The following GARNL3 variants were observed in gnomAD, a reference collection of about 807,000 sequenced individuals.
GARNL3 encodes GTPase-activating Rap/Ran-GAP domain-like protein 3.
GARNL3 carries 63 observed loss-of-function variants against 125.0 expected under a neutral mutation model. The observed-to-expected ratio is 0.50, with a 90% CI of 0.41 to 0.62. The LOEUF is 0.62. GARNL3 is among the 20% of genes least tolerant of loss of function. GARNL3 has a pLI of 0.00. For synonymous variants in GARNL3, 439 were observed against 457.5 expected (o/e 0.96, Z 0.52); for missense variants, 994 against 1,244.0 (o/e 0.80, Z 3.02).
chr9:127,262,641 G>A (rs1183806914), upstream of GARNL3, among the ~76,000 whole-genome samples: 1 of 152,266 alleles, frequency 6.6e-6, no homozygotes, highest in Non-Finnish European at 1.5e-5. Flanking sequence ...TGGACTGAGG[G>A]AATAATGGCC....
chr9:127,341,750 G>A (rs1243992544), intron 13 of GARNL3, among the ~76,000 whole-genome samples: 2 of 152,344 alleles, frequency 1.3e-5, no homozygotes, highest in East Asian at 1.9e-4. Context: ...ACTTTCATCA[G>A]CGTTGTCAAA....
Position 127,384,583 on chromosome 9 carries a change from A to T in GARNL3, c.2270-444A>T, listed in dbSNP as rs1832443154. Among the ~76,000 whole-genome samples the T allele has an allele frequency of 6.6e-6, 1 of 152,120 alleles. No homozygotes were observed. Among genetic ancestry groups the T allele is most frequent in the Non-Finnish European group, 1.5e-5 (1 of 67,992 alleles). ...ACGTGCAGCTGGAGGAGCACATGGGAGGAGCGAGGAGCACTGAGGGACACC... is the reference window on the plus strand; with the variant it reads ...ACGTGCAGCTGGAGGAGCACATGGGTGGAGCGAGGAGCACTGAGGGACACC... On this transcript the variant is annotated intron_variant, in intron 23 of 27. Coordinates refer to ENST00000373387, the MANE Select transcript of GARNL3 (RefSeq NM_032293.5). This position sits in a 1 kb window ranked among gnomAD's most constrained non-coding sequence, Gnocchi z 4.0.
chr9:127,231,228 G>GTTTTTTTTTTTTTTT (rs34963289), intron 1 of GARNL3, among the ~76,000 whole-genome samples: 14 of 100,512 alleles, frequency 1.4e-4, no homozygotes, highest in East Asian at 2.8e-4. Flanking sequence ...CTAATTTTTT[G>GTTTTTTTTTTTTTTT]TTTTTTTTTT....
chr9:127,277,645 A>G (rs1215669783), intron 1 of GARNL3, among the ~76,000 whole-genome samples: 1 of 151,812 alleles, frequency 6.6e-6, no homozygotes, highest in Non-Finnish European at 1.5e-5. Context: ...GCTCCAACCT[A>G]TCTCTGAGCC....
In GARNL3 at chr9:127,384,485, TAACTC is replaced by T. The variant is rs1322246825; in HGVS notation, c.2270-540_2270-536del. On this transcript the variant is annotated intron_variant, in intron 23 of 27. Coordinates refer to ENST00000373387, the MANE Select transcript of GARNL3 (RefSeq NM_032293.5). The surrounding 1 kb of genome is among the most constrained non-coding windows in gnomAD (Gnocchi z 4.0). ...AGCAGAGGGGCCAGCCCTTAACAAA[TAACTC>T]AGCAAACCCCTTGATGCCGAGGGAC... Among the ~76,000 whole-genome samples, 4 of 151,960 alleles carry T rather than the reference TAACTC, an allele frequency of 2.6e-5. No homozygotes were observed. Among genetic ancestry groups the T allele is most frequent in the African/African-American group, 9.7e-5 (4 of 41,380 alleles).
At chr9:127,297,958 G>T (rs1353477352) in intron 2 of GARNL3, among the ~76,000 whole-genome samples, 1 of 152,154 alleles carries the variant, frequency 6.6e-6, no homozygotes. Flanking sequence ...AGAAAGACAT[G>T]TTTCAATTGC....
intron 5 of GARNL3, among the ~76,000 whole-genome samples, chr9:127,318,671 C>T (rs967982360): frequency 6.6e-6 from 1 of 152,012 alleles, no homozygotes; most frequent in African/African-American, 2.4e-5. Flanking sequence ...CACCCTCCCA[C>T]CTCCCTCTCA....
At chr9:127,333,266 A>G (rs1829366963) in intron 9 of GARNL3, 145 bp downstream of exon 9, 4 of 645,390 alleles carry the variant, frequency 6.2e-6, no homozygotes, top group African/African-American at 1.8e-5. Context: ...CCTGTTCAAC[A>G]TAGAGTCATG....
Position 127,353,957 on chromosome 9 carries a change from G to A in GARNL3, c.1642+13G>A, listed in dbSNP as rs1830543135. On this transcript the variant is annotated intron_variant, in intron 18 of 27. Coordinates refer to ENST00000373387, the MANE Select transcript of GARNL3 (RefSeq NM_032293.5). ...AGAGCAGACAAAGGTGGTATTCCCT[G>A]CCGGGTGGCATGCTGTGGAGGAAGG... The A allele has an allele frequency of 6.4e-7, 1 of 1,568,544 alleles. No individual in the cohort carries two copies. Among genetic ancestry groups the A allele is most frequent in the Non-Finnish European group, 8.8e-7 (1 of 1,138,762 alleles).
At chr9:127,350,024 G>A (rs1830343784) in intron 17 of GARNL3, among the ~76,000 whole-genome samples, 1 of 152,164 alleles carries the variant, frequency 6.6e-6, no homozygotes, top group African/African-American at 2.4e-5. Flanking sequence ...CACGCCAGGT[G>A]CCTTCTGAAG....
intron 2 of GARNL3, 57 bp from the exon 3 acceptor site, chr9:127,311,578 AG>A: frequency 1.7e-6 from 2 of 1,172,748 alleles, no homozygotes; most frequent in Non-Finnish European, 2.6e-6. Flanking sequence ...GTTCATTGCC[AG>A]GTTCATGTTT....
chr9:127,335,260 C>G lies in GARNL3; in HGVS notation c.800C>G (p.Thr267Ser). The G allele has an allele frequency of 3.1e-6, 5 of 1,613,762 alleles. No homozygotes were observed. Among genetic ancestry groups the G allele is most frequent in the Non-Finnish European group, 4.2e-6 (5 of 1,179,642 alleles). ...NDTTGIHSVY[T>S]VYQGHEIMFH... is the part of the protein sequence containing the mutation. ...ACCACAGGGATACATTCAGTTTATACTGTGTACCAAGGGCATGAGATCATG... is the reference window on the plus strand; with the variant it reads ...ACCACAGGGATACATTCAGTTTATAGTGTGTACCAAGGGCATGAGATCATG... Residue 267 changes from threonine (T) to serine (S), a missense_variant, in exon 10 of 28, where the codon ACT (threonine) becomes AGT (serine). Around this residue, in one of 5 missense-constraint regions of GARNL3, gnomAD observed 71 missense variants for 66.2 expected, o/e 1.07. Transcript: ENST00000373387.
chr9:127,335,812 A>G, intron 10 of GARNL3, among the ~76,000 whole-genome samples: 1 of 152,122 alleles, frequency 6.6e-6, no homozygotes, highest in South Asian at 2.1e-4. Flanking sequence ...GATGGTTGAC[A>G]AGTATTGTTA....
chr9:127,336,297 T>A, intron 11 of GARNL3, 61 bp downstream of exon 11: 1 of 1,150,916 alleles, frequency 8.7e-7, no homozygotes, highest in East Asian at 2.4e-5. Context: ...TCACTGGACT[T>A]CCATGACCCT....
At chr9:127,229,332 A>C (rs1489850932) in intron 1 of GARNL3, among the ~76,000 whole-genome samples, 2 of 152,084 alleles carry the variant, frequency 1.3e-5, no homozygotes, top group East Asian at 3.9e-4. Context: ...AGGCCTGTTG[A>C]TTCAGAAAGT....
chr9:127,279,046 C>T (rs1444042730), intron 1 of GARNL3, among the ~76,000 whole-genome samples: 1 of 152,156 alleles, frequency 6.6e-6, no homozygotes, highest in East Asian at 1.9e-4. Context: ...ATTATATTCT[C>T]AGGTTCCAGG....
intron 22 of GARNL3, among the ~76,000 whole-genome samples, chr9:127,366,260 A>G (rs1169799483): frequency 6.6e-6 from 1 of 152,244 alleles, no homozygotes; most frequent in Admixed American, 6.5e-5. Flanking sequence ...ATCTTTCAAA[A>G]TTCGAGATTT....
At chr9:127,268,648 C>T (rs2063754232) in intron 1 of GARNL3, among the ~76,000 whole-genome samples, 1 of 152,176 alleles carries the variant, frequency 6.6e-6, no homozygotes, top group African/African-American at 2.4e-5. Flanking sequence ...TGGTGTACAA[C>T]CATCACTGCT....
intron 1 of GARNL3, among the ~76,000 whole-genome samples, chr9:127,232,092 A>G (rs898493725): frequency 1.3e-5 from 2 of 152,222 alleles, no homozygotes; most frequent in Non-Finnish European, 2.9e-5. Context: ...AATATTGAGC[A>G]GCTGCATTAG....
Sources: gnomAD v4.1 joint callset for allele counts (sites outside exome capture counted in the v4.1 genomes callset) on GRCh38, gnomAD v4.1.1 for gene constraint, gnomAD v4.1.1 regional missense constraint, Gnocchi (gnomAD v3.1) non-coding constraint, MANE v1.5 for transcripts, NCBI Gene and HGNC (gene_info 2026-07-23, HGNC 2026-07-21) for gene names.